Variants in BANF2 observed in about 807,000 individuals in gnomAD.
The protein encoded by BANF2 is BANF family member 2, also known as barrier-to-autointegration factor-like protein.
BANF2 carries 4 observed loss-of-function variants against 8.0 expected under a neutral mutation model. The ratio of observed to expected loss-of-function variants is 0.50; its 90% CI spans 0.25 to 1.14. The LOEUF (loss-of-function observed/expected upper bound fraction) is 1.14, where lower values mean the gene tolerates loss of function less well. BANF2 is among the 50% of genes most tolerant of loss of function. The pLI, the probability that BANF2 is intolerant of heterozygous loss-of-function variation, is 0.16. For synonymous variants in BANF2, 50 were observed against 40.6 expected (o/e 1.23, Z -0.88); for missense variants, 96 against 107.5 (o/e 0.89, Z 0.47).
At chr20:17,730,657 G>A (rs1374656111) in intron 3 of BANF2, among the ~76,000 whole-genome samples, 2 of 152,224 alleles carry the variant, frequency 1.3e-5, no homozygotes, top group Admixed American at 6.5e-5. Flanking sequence ...CTGGTGGACA[G>A]GAGCGAGACT....
At chr20:17,733,674 T>C (rs6034892) in intron 3 of BANF2, among the ~76,000 whole-genome samples, 27,748 of 152,050 alleles carry the variant, frequency 0.18, 2,939 homozygotes, top group East Asian at 0.44. Context: ...AGGATACTGA[T>C]AAAGTAAAAT....
At chr20:17,693,785 G>A in intron 1 of BANF2, 1 of 1,490,524 alleles carries the variant, frequency 6.7e-7, no homozygotes, top group Non-Finnish European at 9.1e-7. Flanking sequence ...AAATCACCTG[G>A]CTAGGAGAGG....
At chr20:17,728,341 C>A (rs913283174) in intron 3 of BANF2, among the ~76,000 whole-genome samples, 1 of 152,214 alleles carries the variant, frequency 6.6e-6, no homozygotes, top group African/African-American at 2.4e-5. Context: ...TCACACTTAC[C>A]TCCCTGGGCT....
upstream of BANF2, among the ~76,000 whole-genome samples, chr20:17,695,198 G>T (rs1295052102): frequency 6.6e-6 from 1 of 151,924 alleles, no homozygotes; most frequent in Non-Finnish European, 1.5e-5. Context: ...TGTAATCCCA[G>T]CACTTTGGGA....
At chr20:17,706,733 G>A (rs2037487329) in intron 1 of BANF2, among the ~76,000 whole-genome samples, 1 of 152,208 alleles carries the variant, frequency 6.6e-6, no homozygotes, top group African/African-American at 2.4e-5. Flanking sequence ...CCTTTTCACT[G>A]CCACTAAGAG....
At chr20:17,730,876 C>A (rs2037884720) in intron 3 of BANF2, among the ~76,000 whole-genome samples, 1 of 152,208 alleles carries the variant, frequency 6.6e-6, no homozygotes, top group Non-Finnish European at 1.5e-5. Flanking sequence ...GTTGCCAGAT[C>A]AAAATTCACA....
At chr20:17,704,608 A>C (rs549509215) in intron 1 of BANF2, among the ~76,000 whole-genome samples, 1 of 152,266 alleles carries the variant, frequency 6.6e-6, no homozygotes, top group East Asian at 1.9e-4. Flanking sequence ...CCTACCTCCC[A>C]AGCACTTCTC....
At chr20:17,723,635 C>G (rs1268193467) in intron 2 of BANF2, among the ~76,000 whole-genome samples, 1 of 152,154 alleles carries the variant, frequency 6.6e-6, no homozygotes, top group African/African-American at 2.4e-5. Context: ...AATGAACAAA[C>G]CTTAAATGTG....
intron 1 of BANF2, among the ~76,000 whole-genome samples, chr20:17,710,148 C>T (rs1021878802): frequency 8.5e-5 from 13 of 152,326 alleles, no homozygotes; most frequent in Admixed American, 3.3e-4. Context: ...ACATCCTGGC[C>T]GAGGGCTGCT....
At chr20:17,695,944 G>A (rs527940920), upstream of BANF2, among the ~76,000 whole-genome samples, 1 of 152,192 alleles carries the variant, frequency 6.6e-6, no homozygotes, top group East Asian at 1.9e-4. Flanking sequence ...TTCTATGTCT[G>A]GCCTCTGTTG....
rs1263356274 is a variant in BANF2 at position 17,694,597 on chromosome 20, CTCTCTTTTTTTTTTTTT to C, written c.18+893_18+909del. On this transcript the variant is annotated intron_variant, in intron 1 of 2. Transcript: ENST00000545418. ...GCAGGGGGCTATTTTTGTTTTTTCT[CTCTCTTTTTTTTTTTTT>C]TTTTTTTTTTTTTTTTTTTATTGAG... 6.1e-3 allele frequency among the ~76,000 whole-genome samples: 222 copies of C among 36,274 alleles called. 2 individuals are homozygous for C. Among genetic ancestry groups the C allele is most frequent in the African/African-American group, 0.015 (210 of 13,650 alleles). The allele number at this position is 36,274 out of a possible 152,430, so 23.8% of individuals were successfully genotyped here. A position where few individuals can be genotyped will look rare whatever the true frequency, so the allele number is the denominator to read the frequency against.
chr20:17,701,015 A>G (rs2037400649), intron 1 of BANF2, among the ~76,000 whole-genome samples: 1 of 152,148 alleles, frequency 6.6e-6, no homozygotes, highest in South Asian at 2.1e-4. Context: ...TGACTGTGTA[A>G]GGTAGAAAGG....
chr20:17,701,624 A>G (rs1600210962), intron 1 of BANF2, among the ~76,000 whole-genome samples: 1 of 152,188 alleles, frequency 6.6e-6, no homozygotes, highest in South Asian at 2.1e-4. Context: ...TCCAAATCCA[A>G]GATTGTAGGT....
At chr20:17,726,436 C>A (rs944850629) in intron 3 of BANF2, among the ~76,000 whole-genome samples, 1 of 152,196 alleles carries the variant, frequency 6.6e-6, no homozygotes, top group African/African-American at 2.4e-5. Context: ...ATTCAACATA[C>A]CTCGGCCTCC....
intron 1 of BANF2, among the ~76,000 whole-genome samples, chr20:17,704,490 G>A (rs2037453458): frequency 6.6e-6 from 1 of 152,132 alleles, no homozygotes; most frequent in Non-Finnish European, 1.5e-5. Context: ...TTCTAGAGTG[G>A]ACAGCACTTC....
chr20:17,702,921 T>G (rs550154587), intron 1 of BANF2, among the ~76,000 whole-genome samples: 2 of 152,188 alleles, frequency 1.3e-5, no homozygotes, highest in Non-Finnish European at 2.9e-5. Context: ...GTTGTTTAAA[T>G]GGAAGCTTAG....
rs190760454 is a variant in BANF2, at chr20:17,729,397, G to A, written c.126+4246G>A. ...CCACCCAACAGGCTCCTTTTTCTGA[G>A]CAGTTTGGGTTTTTGGTGGGTGCCC... On this transcript the variant is annotated intron_variant, in intron 3 of 3. Coordinates refer to ENST00000246090, the MANE Select transcript of BANF2 (RefSeq NM_178477.5). Among the ~76,000 whole-genome samples, 453 of 152,282 alleles carry A rather than the reference G, an allele frequency of 3.0e-3. 3 individuals are homozygous for A. The highest frequency in any genetic ancestry group is 0.01 in the African/African-American group (419 of 41,546).
At chr20:17,733,225 A>G (rs1322762122) in intron 3 of BANF2, among the ~76,000 whole-genome samples, 1 of 152,198 alleles carries the variant, frequency 6.6e-6, no homozygotes, top group Non-Finnish European at 1.5e-5. Context: ...GGGATGCATT[A>G]GCCTCCAGGC....
At chr20:17,715,033 G>C (rs1200428631) in intron 1 of BANF2, among the ~76,000 whole-genome samples, 3 of 152,208 alleles carry the variant, frequency 2.0e-5, no homozygotes, top group Non-Finnish European at 4.4e-5. Context: ...GATGAGGTCA[G>C]TGAATTTAAC....
Sources: gnomAD v4.1 joint callset for allele counts (sites outside exome capture counted in the v4.1 genomes callset) on GRCh38, gnomAD v4.1.1 for gene constraint, MANE v1.5 for transcripts, NCBI Gene and HGNC (gene_info 2026-07-23, HGNC 2026-07-21) for gene names.